Variants in ZER1 observed in about 807,000 individuals in gnomAD.
The protein encoded by ZER1 is protein zer-1 homolog.
In ZER1, 11 loss-of-function variants were observed where a neutral mutation model predicts 78.8. That is an observed-to-expected ratio of 0.14 (90% CI 0.09 to 0.23). ZER1 has a LOEUF of 0.23. Among genes scored for constraint, ZER1 ranks in the 10% least tolerant of loss-of-function variants. The pLI is 1.00. For missense variants in ZER1, 588 were observed against 996.9 expected (o/e 0.59, Z 5.52); for synonymous variants, 400 against 407.0 (o/e 0.98, Z 0.21).
At chr9:128,738,086 C>T (rs1457577821) in intron 13 of ZER1, among the ~76,000 whole-genome samples, 1 of 147,566 alleles carries the variant, frequency 6.8e-6, no homozygotes, top group Non-Finnish European at 1.5e-5. Flanking sequence ...GCTCTGTCGC[C>T]CAGGCTGGAG....
At chr9:128,735,073 C>T (rs1863018365) in intron 14 of ZER1, among the ~76,000 whole-genome samples, 1 of 151,864 alleles carries the variant, frequency 6.6e-6, no homozygotes, top group Non-Finnish European at 1.5e-5. Context: ...ACTGTTCCTG[C>T]ACATGGAAGC....
At chr9:128,766,089 G>A (rs755187516) in intron 1 of ZER1, among the ~76,000 whole-genome samples, 3 of 152,186 alleles carry the variant, frequency 2.0e-5, no homozygotes, top group Non-Finnish European at 2.9e-5. Context: ...GGAGGCTCAC[G>A]CCTCTAATCC....
rs1275750058 is a variant in ZER1, at chr9:128,741,413, C to T, written c.1737+122G>A. 5 of 1,452,998 alleles carry T rather than the reference C, an allele frequency of 3.4e-6. No homozygotes were observed. In the African/African-American group the frequency reaches 6.9e-5, roughly 20 times the overall value. 90.0% of individuals were successfully genotyped at this position (1,452,998 alleles called of 1,614,324 possible). A position where few individuals can be genotyped will look rare whatever the true frequency, so the allele number is the denominator to read the frequency against. The stretch of plus-strand genomic sequence containing the variant: ...GTGGGTGGGCCTGAGTCTGTCCCCA[C>T]TGCCCTTCTCCAGGAAGCATGGGTG... On this transcript the variant is annotated intron_variant, in intron 11 of 15. Transcript: ENST00000291900.
chr9:128,745,182 C>T (rs1007861388), intron 8 of ZER1, among the ~76,000 whole-genome samples: 1 of 147,136 alleles, frequency 6.8e-6, no homozygotes, highest in African/African-American at 2.5e-5. Flanking sequence ...GGTTTATTTG[C>T]TTATTGATTT....
intron 1 of ZER1, among the ~76,000 whole-genome samples, chr9:128,770,079 C>T (rs1419045357): frequency 6.6e-6 from 1 of 152,102 alleles, no homozygotes; most frequent in Non-Finnish European, 1.5e-5. Flanking sequence ...TTGCCAACCA[C>T]TCTTCCCTTT....
rs754553919 is a variant in ZER1 at position 128,752,681 on chromosome 9, C to T, written c.915G>A (p.Gly305=). The T allele has an allele frequency of 4.3e-6, 7 of 1,612,088 alleles. No homozygotes were observed. In the South Asian group the frequency reaches 6.6e-5, roughly 15 times the overall value. ...CSISKMEEEA[G]QTSIEPSKSS... ...GGAGGCTGGGGCCCCACCTGGTCTG[C>T]CCCGCTTCCTCTTCCATCTTGGAGA... Residue 305 remains glycine, a synonymous_variant, in exon 5 of 16, where the codon GGG becomes GGA. Transcript: ENST00000291900.
rs1862915291 is a variant in ZER1, at chr9:128,733,569, T to G, written c.2141-41A>C. ...AGACAGCAGAGGATCAGGATGGGTC[T>G]TCTTATCAGCCCGAGGCCCAGAAAC... On this transcript the variant is annotated intron_variant, in intron 14 of 15. Transcript: ENST00000291900. 5 of 1,576,352 alleles carry G rather than the reference T, an allele frequency of 3.2e-6. No individual in the cohort carries two copies. The East Asian group carries it at 1.1e-4, about 35-fold the overall frequency.
intron 8 of ZER1, among the ~76,000 whole-genome samples, chr9:128,750,372 C>T (rs1405929681): frequency 6.6e-6 from 1 of 152,216 alleles, no homozygotes; most frequent in Non-Finnish European, 1.5e-5. Flanking sequence ...GGAGACGGCA[C>T]AGGCAGGGAG....
chr9:128,735,722 G>C lies in ZER1; in HGVS notation c.2043-291C>G, dbSNP rs539156069. 4.8e-5 allele frequency among the ~76,000 whole-genome samples: 7 copies of C among 145,388 alleles called. No individual in the cohort carries two copies. In the East Asian group the frequency reaches 1.5e-3, roughly 31 times the overall value. On this transcript the variant is annotated intron_variant, in intron 13 of 15. Transcript: ENST00000291900. ...GCAGAGACCCAGCCTGTGGGGAAGA[G>C]GGGAGAGGCACCCTGGGAACAGAAG...
At chr9:128,763,679 G>A (rs1166158471) in intron 1 of ZER1, among the ~76,000 whole-genome samples, 1 of 152,198 alleles carries the variant, frequency 6.6e-6, no homozygotes, top group African/African-American at 2.4e-5. Flanking sequence ...GGGAGTCAGA[G>A]CAGGTATCCT....
rs1863735878 is a variant in ZER1, at chr9:128,753,120, G to GC, written c.746+43dup. ...CACCCACCTCTACTCCTCCCCACCT[G>GC]CCCCCCAAACCCCACCCTGGTGAGC... On this transcript the variant is annotated intron_variant, in intron 4 of 15. Coordinates refer to ENST00000291900, the MANE Select transcript of ZER1 (RefSeq NM_006336.4). The surrounding 1 kb of genome is among the most constrained non-coding windows in gnomAD (Gnocchi z 7.5). 5.4e-6 allele frequency: 8 copies of GC among 1,481,068 alleles called. No homozygotes were observed. The highest frequency in any genetic ancestry group is 7.2e-6 in the Non-Finnish European group (8 of 1,113,682). The allele number at this position is 1,481,068 out of a possible 1,614,324, so 91.7% of individuals were successfully genotyped here.
Position 128,731,335 on chromosome 9 carries a change from C to T in ZER1, c.*2G>A. The T allele has an allele frequency of 6.2e-7, 1 of 1,605,102 alleles. No homozygotes were observed. On this transcript the variant is annotated 3_prime_UTR_variant, in exon 16 of 16. Transcript: ENST00000291900. The stretch of plus-strand genomic sequence containing the variant: ...CGGTGGCGGCCATGGGGACGGAGGC[C>T]TCTATCTAGACGTGTCCATGTTCTC...
rs1029904581 is a variant in ZER1, at chr9:128,769,391, ATTTTC to A, written c.-95+2185_-95+2189del. Among the ~76,000 whole-genome samples, 6 of 148,588 alleles carry A rather than the reference ATTTTC, an allele frequency of 4.0e-5. No individual in the cohort carries two copies. The East Asian group carries it at 5.9e-4, about 15-fold the overall frequency. On this transcript the variant is annotated intron_variant, in intron 1 of 15. Transcript: ENST00000291900. ...TGATTTTATCTAATCCAACAGCCCT[ATTTTC>A]TTTTCTTTTCTTTCTTTCTTTTTTT...
At chr9:128,750,249 T>C (rs1564400881) in intron 8 of ZER1, among the ~76,000 whole-genome samples, 1 of 152,248 alleles carries the variant, frequency 6.6e-6, no homozygotes, top group African/African-American at 2.4e-5. Context: ...GATTTTTATT[T>C]TCTGTATATC....
chr9:128,762,022 G>A (rs1279451934), intron 1 of ZER1, among the ~76,000 whole-genome samples: 3 of 152,120 alleles, frequency 2.0e-5, no homozygotes, highest in Non-Finnish European at 2.9e-5. Context: ...CCAACCTGTG[G>A]TCCATGGGCT....
chr9:128,732,145 T>A lies in ZER1; in HGVS notation c.2244-751A>T, dbSNP rs1355478033. The stretch of plus-strand genomic sequence containing the variant: ...GCCGAGGGCCTTCTCCTAAGCATTG[T>A]CCAGGGTCATTTACTCCTTGCTGTC... On this transcript the variant is annotated intron_variant, in intron 15 of 15. Transcript: ENST00000291900. This position sits in a 1 kb window ranked among gnomAD's most constrained non-coding sequence, Gnocchi z 4.8. Among the ~76,000 whole-genome samples the A allele has an allele frequency of 6.6e-6, 1 of 152,214 alleles. No individual in the cohort carries two copies. Among genetic ancestry groups the A allele is most frequent in the African/African-American group, 2.4e-5 (1 of 41,452 alleles).
chr9:128,765,994 T>C lies in ZER1; in HGVS notation c.-95+5587A>G, dbSNP rs117969015. 3.4e-3 allele frequency among the ~76,000 whole-genome samples: 514 copies of C among 152,258 alleles called. 8 individuals carry two copies. The East Asian group carries it at 0.036, about 11-fold the overall frequency. On this transcript the variant is annotated intron_variant, in intron 1 of 15. Coordinates refer to ENST00000291900, the MANE Select transcript of ZER1 (RefSeq NM_006336.4). ...TGCATTCGGCTAGTAATCAGACTGG[T>C]TGGGTTCTATTCTTGTAACCAAATG...
intron 8 of ZER1, among the ~76,000 whole-genome samples, chr9:128,747,068 A>T (rs1863516576): frequency 6.6e-6 from 1 of 151,898 alleles, no homozygotes; most frequent in African/African-American, 2.4e-5. Context: ...GCGTGGTGGC[A>T]TGCTCCTGTA....
chr9:128,765,955 G>A lies in ZER1; in HGVS notation c.-95+5626C>T, dbSNP rs568749425. The stretch of plus-strand genomic sequence containing the variant: ...CTGCTCATGATGCTGGAGACAGAGA[G>A]GCCTTGAGGAGGCTGCATTCGGCTA... On this transcript the variant is annotated intron_variant, in intron 1 of 15. Transcript: ENST00000291900. 2.6e-5 allele frequency among the ~76,000 whole-genome samples: 4 copies of A among 152,318 alleles called. No homozygotes were observed. The East Asian group carries it at 5.8e-4, about 22-fold the overall frequency.
Sources: allele counts gnomAD v4.1 joint callset (sites outside exome capture counted in the v4.1 genomes callset), GRCh38; gene constraint gnomAD v4.1.1; non-coding constraint Gnocchi (gnomAD v3.1); transcripts MANE v1.5; gene names NCBI Gene and HGNC (gene_info 2026-07-23, HGNC 2026-07-21).